DMD: variants seen among roughly 807,000 people sequenced by gnomAD.
DMD encodes the protein dystrophin.
In DMD, 63 loss-of-function variants were observed where a neutral mutation model predicts 330.1. The ratio of observed to expected loss-of-function variants is 0.19; its 90% CI spans 0.16 to 0.24. The LOEUF (loss-of-function observed/expected upper bound fraction) is 0.24. DMD is among the 10% of genes least tolerant of loss of function. The pLI, the probability that DMD is intolerant of heterozygous loss-of-function variation, is 1.00. For missense variants in DMD, 3,344 were observed against 2,684.1 expected, an observed-to-expected ratio of 1.25 and a Z score of -5.43; for synonymous variants, 1,223 against 959.8, an observed-to-expected ratio of 1.27 and a Z score of -5.07.
chrX:32,507,653 AGAG>A (rs1445987488), intron 18 of DMD, among the ~76,000 whole-genome samples: 1 of 111,805 alleles, frequency 8.9e-6, no homozygotes, highest in Non-Finnish European at 1.9e-5. Context: ...CCATTTTGAC[AGAG>A]GAGGGAAGTG....
intron 52 of DMD, among the ~76,000 whole-genome samples, chrX:31,718,300 A>T (rs1434618935): frequency 9.0e-6 from 1 of 111,572 alleles, no homozygotes; most frequent in Admixed American, 9.6e-5. Context: ...ACATTAGAAC[A>T]GTTACCAATA....
At chrX:32,895,136 A>C (rs2085585334) in intron 2 of DMD, among the ~76,000 whole-genome samples, 1 of 111,958 alleles carries the variant, frequency 8.9e-6, no homozygotes, top group Non-Finnish European at 1.9e-5. Context: ...GCATGTGCTT[A>C]TCTTACCCTA....
At chrX:32,442,135 G>A (rs925377377) in intron 27 of DMD, among the ~76,000 whole-genome samples, 3 of 110,742 alleles carry the variant, frequency 2.7e-5, no homozygotes, top group Non-Finnish European at 5.7e-5. Context: ...AATATCTTAA[G>A]TAAGACATCT....
At chrX:32,801,344 T>C (rs1218954595) in intron 7 of DMD, among the ~76,000 whole-genome samples, 1 of 111,881 alleles carries the variant, frequency 8.9e-6, no homozygotes, top group Non-Finnish European at 1.9e-5. Context: ...GGTCTGTTCA[T>C]ACCCTTTGCC....
rs1363319230 is a variant in DMD at position 31,507,347 on chromosome X, A to C, written c.8324T>G (p.Leu2775Ter). ...GTTCATGTTATCCAAACGTCTTTGT[A>C]ACAGGACTGCATCATCGGAACCTTC... ...SLEGSDDAVL[L>*]QRRLDNMNFK... The change falls in exon 56 of 79, where the codon TTA becomes TGA. Residue 2775 changes from leucine to a stop codon, truncating the protein, a stop_gained. Coordinates refer to ENST00000357033, the MANE Select transcript of DMD (RefSeq NM_004006.3). LOFTEE classifies it high-confidence loss of function. 8.3e-7 allele frequency: 1 copy of C among 1,211,615 alleles called. No homozygotes were observed. The highest frequency in any genetic ancestry group is 2.2e-5 in the Admixed American group (1 of 46,031).
intron 47 of DMD, among the ~76,000 whole-genome samples, chrX:31,918,768 G>A (rs1200528517): frequency 9.1e-6 from 1 of 110,165 alleles, no homozygotes; most frequent in Non-Finnish European, 1.9e-5. Flanking sequence ...CTCCCAAGTA[G>A]CTGTGATTCA....
chrX:32,985,225 C>A (rs2092812332), intron 2 of DMD, among the ~76,000 whole-genome samples: 2 of 111,028 alleles, frequency 1.8e-5, no homozygotes, highest in African/African-American at 6.5e-5. Flanking sequence ...TACACACATG[C>A]ACAGCTATAG....
intron 9 of DMD, among the ~76,000 whole-genome samples, chrX:32,697,257 CCT>C (rs1008432870): frequency 1.8e-5 from 2 of 111,544 alleles, no homozygotes; most frequent in Admixed American, 1.9e-4. Flanking sequence ...ACTGAGTCTT[CCT>C]CATATAGAAA....
chrX:33,007,350 C>T (rs2093416917), intron 2 of DMD, among the ~76,000 whole-genome samples: 1 of 111,062 alleles, frequency 9.0e-6, no homozygotes, highest in Non-Finnish European at 1.9e-5. Flanking sequence ...ATATTCTTCC[C>T]TCTGCCTAGA....
intron 44 of DMD, among the ~76,000 whole-genome samples, chrX:32,012,904 C>G (rs1467822788): frequency 9.1e-6 from 1 of 110,310 alleles, no homozygotes; most frequent in East Asian, 2.9e-4. Flanking sequence ...GAGTCTATTT[C>G]CACTTGTTAG....
intron 54 of DMD, among the ~76,000 whole-genome samples, chrX:31,654,038 C>T (rs2080625209): frequency 9.0e-6 from 1 of 111,439 alleles, no homozygotes; most frequent in South Asian, 3.8e-4. Context: ...ATATCAAAAG[C>T]CACTGTAGAA....
At chrX:31,240,634 T>A (rs2048164203) in intron 63 of DMD, among the ~76,000 whole-genome samples, 1 of 111,905 alleles carries the variant, frequency 8.9e-6, no homozygotes, top group African/African-American at 3.2e-5. Context: ...TCTATTTATG[T>A]CTTTGCTGTA....
intron 54 of DMD, among the ~76,000 whole-genome samples, chrX:31,653,078 G>A (rs1251730636): frequency 9.0e-6 from 1 of 111,271 alleles, no homozygotes; most frequent in Non-Finnish European, 1.9e-5. Context: ...TGTTTAACTA[G>A]AGTAGCTCCT....
At position 32,769,077 on chromosome X, in the gene DMD, T is replaced by C. The variant is rs145541689; in HGVS notation, c.649+40416A>G. Reference sequence around the variant, plus strand: ...AACAAAAAAACAAAAAACATCATCATCTGTGAAGAAGGTAGAGCCACAACA... The same window carrying C: ...AACAAAAAAACAAAAAACATCATCACCTGTGAAGAAGGTAGAGCCACAACA... On this transcript the variant is annotated intron_variant, in intron 7 of 78. Coordinates refer to ENST00000357033, the MANE Select transcript of DMD (RefSeq NM_004006.3). Among the ~76,000 whole-genome samples, 828 of 112,077 alleles carry C rather than the reference T, an allele frequency of 7.4e-3. 4 individuals are homozygous for C. Among genetic ancestry groups the C allele is most frequent in the African/African-American group, 0.025 (758 of 30,887 alleles).
At chrX:31,305,460 C>G (rs923855691) in intron 62 of DMD, among the ~76,000 whole-genome samples, 21 of 111,629 alleles carry the variant, frequency 1.9e-4, no homozygotes, top group Non-Finnish European at 3.4e-4. Flanking sequence ...TCCTGACCTC[C>G]AATGCATCAG....
At chrX:31,977,404 T>G (rs1409461737) in intron 44 of DMD, among the ~76,000 whole-genome samples, 1 of 111,266 alleles carries the variant, frequency 9.0e-6, no homozygotes. Context: ...AAGCTGTCGT[T>G]TCTCAGGCTC....
At chrX:32,612,946 A>G (rs2057288473) in intron 12 of DMD, among the ~76,000 whole-genome samples, 1 of 111,464 alleles carries the variant, frequency 9.0e-6, no homozygotes, top group Non-Finnish European at 1.9e-5. Flanking sequence ...AAATAAATGT[A>G]TCTTTCATTT....
intron 60 of DMD, among the ~76,000 whole-genome samples, chrX:31,428,618 G>A (rs762127330): frequency 9.0e-6 from 1 of 111,628 alleles, no homozygotes; most frequent in South Asian, 3.8e-4. Context: ...ATTATTCCAG[G>A]TTCCTCCCAT....
intron 60 of DMD, among the ~76,000 whole-genome samples, chrX:31,378,765 A>G (rs1003460660): frequency 1.9e-5 from 2 of 107,954 alleles, no homozygotes; most frequent in Admixed American, 9.9e-5. Flanking sequence ...CTCCTTCACT[A>G]TGGGCAACCT....
Sources: gnomAD v4.1 joint callset for allele counts (sites outside exome capture counted in the v4.1 genomes callset) on GRCh38, gnomAD v4.1.1 for gene constraint, MANE v1.5 for transcripts, NCBI Gene and HGNC (gene_info 2026-07-23, HGNC 2026-07-21) for gene names.